ARHGEF10: variants seen among roughly 807,000 people sequenced by gnomAD.
The protein encoded by ARHGEF10 is Rho guanine nucleotide exchange factor 10, also known as Rho guanine nucleotide exchange factor (GEF) 10.
A neutral mutation model predicts 147.4 loss-of-function variants in ARHGEF10; 140 were observed. The ratio of observed to expected loss-of-function variants is 0.95; its 90% CI spans 0.83 to 1.09. The LOEUF (loss-of-function observed/expected upper bound fraction) is 1.09. Ranked by LOEUF, ARHGEF10 falls within the 50% of genes least tolerant of loss-of-function variation. The pLI is 0.00. For missense variants in ARHGEF10, 2,222 were observed against 1,752.7 expected (o/e 1.27, Z -4.78); for synonymous variants, 902 against 695.8 (o/e 1.30, Z -4.67).
chr8:1,839,697 G>C (rs1241056351), intron 1 of ARHGEF10, among the ~76,000 whole-genome samples: 1 of 139,974 alleles, frequency 7.1e-6, no homozygotes, highest in African/African-American at 2.7e-5. Flanking sequence ...GGACTGTCCG[G>C]TGTGGGGACT....
chr8:1,910,663 T>A (rs1388803106), intron 18 of ARHGEF10, among the ~76,000 whole-genome samples: 1 of 152,194 alleles, frequency 6.6e-6, no homozygotes, highest in Non-Finnish European at 1.5e-5. Flanking sequence ...TCTGACATGA[T>A]TCATTAACAT....
chr8:1,928,288 ATTT>A, intron 23 of ARHGEF10, 136 bp from the exon 24 acceptor site: 1 of 785,226 alleles, frequency 1.3e-6, no homozygotes, highest in Non-Finnish European at 2.1e-6. Context: ...TTGTTTAAGA[ATTT>A]TTTTTTATTT....
intron 26 of ARHGEF10, chr8:1,943,961 G>T (rs67024052): frequency 0.47 from 70,919 of 150,386 alleles, 17,101 homozygotes; most frequent in African/African-American, 0.53. Flanking sequence ...TTGCTCCAGG[G>T]GGGTGGACAG....
At chr8:1,938,041 A>G (rs1813763787) in intron 26 of ARHGEF10, among the ~76,000 whole-genome samples, 1 of 152,162 alleles carries the variant, frequency 6.6e-6, no homozygotes, top group Non-Finnish European at 1.5e-5. Flanking sequence ...CCAACGTGGC[A>G]GGGGGCACCC....
chr8:1,908,549 C>T (rs954020662), intron 17 of ARHGEF10, among the ~76,000 whole-genome samples: 12 of 152,060 alleles, frequency 7.9e-5, no homozygotes, highest in African/African-American at 2.4e-4. Context: ...TGATTTTTAA[C>T]GGCAATATCT....
intron 2 of ARHGEF10, among the ~76,000 whole-genome samples, chr8:1,845,088 G>T (rs891846148): frequency 6.6e-6 from 1 of 152,140 alleles, no homozygotes; most frequent in African/African-American, 2.4e-5. Flanking sequence ...GCAGTGAGCC[G>T]AGATCCTTCC....
chr8:1,926,276 G>A, intron 22 of ARHGEF10, 101 bp from the exon 23 acceptor site: 1 of 957,008 alleles, frequency 1.0e-6, no homozygotes, highest in Non-Finnish European at 1.7e-6. Flanking sequence ...TAATTTCTGT[G>A]TTTATACATT....
chr8:1,938,424 T>C (rs1009811278), intron 26 of ARHGEF10, among the ~76,000 whole-genome samples: 9 of 152,126 alleles, frequency 5.9e-5, no homozygotes, highest in African/African-American at 2.2e-4. Context: ...TTCTGCAATA[T>C]GCAGTGCTCT....
intron 15 of ARHGEF10, 21 bp from the exon 16 acceptor site, chr8:1,903,260 C>T (rs1457091046): frequency 1.2e-6 from 2 of 1,613,946 alleles, no homozygotes; most frequent in Non-Finnish European, 1.7e-6. Context: ...TAACTGCCCA[C>T]CTCTCCCCTG....
chr8:1,824,609 C>T (rs1166781141), intron 1 of ARHGEF10, among the ~76,000 whole-genome samples: 1 of 138,140 alleles, frequency 7.2e-6, no homozygotes, highest in Non-Finnish European at 1.6e-5. Context: ...TCCCTCAGCA[C>T]CCCCTGTTCA....
In ARHGEF10 at chr8:1,889,495, C is replaced by T. The variant is rs55794569; in HGVS notation, c.1182+3788C>T. On this transcript the variant is annotated intron_variant, in intron 11 of 28. Transcript: ENST00000349830. ...GGAGACACTGAGTGGGGTGAGGGGTCTGTGAGGAGACACTGAGTGGGGTGA... is the reference window on the plus strand; with the variant it reads ...GGAGACACTGAGTGGGGTGAGGGGTTTGTGAGGAGACACTGAGTGGGGTGA... Among the ~76,000 whole-genome samples the T allele has an allele frequency of 2.4e-4, 5 of 21,042 alleles. 1 individual carries two copies. Among genetic ancestry groups the T allele is most frequent in the African/African-American group, 1.4e-3 (4 of 2,808 alleles). 13.8% of individuals were successfully genotyped at this position (21,042 alleles called of 152,430 possible). A position where few individuals can be genotyped will look rare whatever the true frequency, so the allele number is the denominator to read the frequency against.
At chr8:1,928,970 C>G (rs1235186890) in intron 24 of ARHGEF10, among the ~76,000 whole-genome samples, 2 of 152,168 alleles carry the variant, frequency 1.3e-5, no homozygotes, top group Non-Finnish European at 2.9e-5. Context: ...TGGAATAAAA[C>G]AGCCATATTC....
chr8:1,881,700 A>C (rs1261847154), intron 9 of ARHGEF10, among the ~76,000 whole-genome samples: 1 of 152,132 alleles, frequency 6.6e-6, no homozygotes, highest in Non-Finnish European at 1.5e-5. Context: ...TTGGAAGTCC[A>C]GGGCAGGCAG....
intron 15 of ARHGEF10, among the ~76,000 whole-genome samples, chr8:1,901,748 G>C (rs1233190634): frequency 6.6e-6 from 1 of 152,164 alleles, no homozygotes; most frequent in East Asian, 1.9e-4. Flanking sequence ...GTGTGGGTTT[G>C]GTGCAGAACT....
In ARHGEF10 at chr8:1,894,186, G is replaced by A. The variant is rs201572685; in HGVS notation, c.1261-207G>A. On this transcript the variant is annotated intron_variant, in intron 12 of 28. Transcript: ENST00000349830. ...GAGACTGTCTCAAAAAAAAAAAAAA[G>A]AAAAATGTCTGAAGCAGCCATGCCC... Among the ~76,000 whole-genome samples the A allele has an allele frequency of 2.3e-3, 285 of 124,018 alleles. 1 individual carries two copies. The highest frequency in any genetic ancestry group is 6.0e-3 in the Admixed American group (75 of 12,540). The allele number at this position is 124,018 out of a possible 152,430, so 81.4% of individuals were successfully genotyped here. A position where few individuals can be genotyped will look rare whatever the true frequency, so the allele number is the denominator to read the frequency against.
At chr8:1,855,901 A>T (rs1805514831) in intron 2 of ARHGEF10, among the ~76,000 whole-genome samples, 1 of 151,640 alleles carries the variant, frequency 6.6e-6, no homozygotes, top group South Asian at 2.1e-4. Flanking sequence ...CCATAAACTG[A>T]CTACTTAATG....
At chr8:1,895,020 G>A (rs551613201) in intron 13 of ARHGEF10, among the ~76,000 whole-genome samples, 43 of 152,326 alleles carry the variant, frequency 2.8e-4, no homozygotes, top group Admixed American at 7.8e-4. Context: ...TAGAAAACAC[G>A]TGATGGGAAA....
chr8:1,909,853 G>A (rs933691672), intron 18 of ARHGEF10, among the ~76,000 whole-genome samples: 4 of 152,184 alleles, frequency 2.6e-5, no homozygotes, highest in Admixed American at 6.5e-5. Flanking sequence ...TGAGGCGGTG[G>A]TGGTTCCAGC....
intron 1 of ARHGEF10, among the ~76,000 whole-genome samples, chr8:1,841,624 C>T (rs570511795): frequency 3.6e-4 from 54 of 151,884 alleles, no homozygotes; most frequent in Non-Finnish European, 7.2e-4. Context: ...GGTTGTGGCT[C>T]GTCTGCTCAT....
Sources: allele counts gnomAD v4.1 joint callset (sites outside exome capture counted in the v4.1 genomes callset), GRCh38; gene constraint gnomAD v4.1.1; transcripts MANE v1.5; gene names NCBI Gene and HGNC (gene_info 2026-07-23, HGNC 2026-07-21).